GIPC1: variants seen among roughly 807,000 people sequenced by gnomAD.
GIPC1 encodes GIPC PDZ domain containing family member 1.
In GIPC1, 15 loss-of-function variants were observed where a neutral mutation model predicts 28.5. That is an observed-to-expected ratio of 0.53 (90% CI 0.35 to 0.81). GIPC1 has a LOEUF of 0.81. GIPC1 is among the 30% of genes least tolerant of loss of function. The pLI is 0.01. For missense variants in GIPC1, 439 were observed against 481.9 expected (o/e 0.91, Z 0.83); for synonymous variants, 224 against 206.1 (o/e 1.09, Z -0.74).
chr19:14,480,811 C>T (rs1468043295), intron 4 of GIPC1, 33 bp from the exon 5 acceptor site: 2 of 1,470,322 alleles, frequency 1.4e-6, no homozygotes, highest in East Asian at 2.3e-5. Flanking sequence ...AACCTCTTCC[C>T]CCTCCCTCCC....
intron 3 of GIPC1, among the ~76,000 whole-genome samples, chr19:14,488,606 G>A (rs919932860): frequency 6.6e-6 from 1 of 151,894 alleles, no homozygotes; most frequent in African/African-American, 2.4e-5. Context: ...ACAAAAATTA[G>A]CCAGGTATGG....
intron 3 of GIPC1, among the ~76,000 whole-genome samples, chr19:14,486,090 T>C (rs1041624078): frequency 1.3e-5 from 2 of 152,076 alleles, no homozygotes; most frequent in Non-Finnish European, 2.9e-5. Context: ...CTTTCTCTGT[T>C]GCCCAGGCTG....
intron 2 of GIPC1, among the ~76,000 whole-genome samples, chr19:14,492,004 T>C (rs1485711087): frequency 6.6e-6 from 1 of 151,004 alleles, no homozygotes; most frequent in Non-Finnish European, 1.5e-5. Context: ...GGAGGTGGAG[T>C]TTGCAGTGAG....
chr19:14,480,480 G>C lies in GIPC1; in HGVS notation c.480C>G (p.Ile160Met). The stretch of plus-strand genomic sequence containing the variant: ...TGTGGTCGATCACGCTGCCCTCCTT[G>C]ATGCGCTGCGGGGGCGGGGAGTCAT... Reference protein sequence around the residue: ...NGAGYAFIKRIKEGSVIDHIH... With the variant: ...NGAGYAFIKRMKEGSVIDHIH... The change falls in exon 6 of 9, where the codon ATC (isoleucine) becomes ATG (methionine). Residue 160 changes from isoleucine to methionine, a missense_variant. Coordinates refer to ENST00000393033, the MANE Select transcript of GIPC1 (RefSeq NM_005716.4). 6.2e-7 allele frequency: 1 copy of C among 1,610,986 alleles called. No individual in the cohort carries two copies. The highest frequency in any genetic ancestry group is 1.3e-5 in the African/African-American group (1 of 75,016).
chr19:14,479,514 G>A lies in GIPC1; in HGVS notation c.666C>T (p.Ser222=), dbSNP rs1476669541. The change falls in exon 7 of 9, where the codon AGC becomes AGT. Residue 222 remains serine, a synonymous_variant. Coordinates refer to ENST00000393033, the MANE Select transcript of GIPC1 (RefSeq NM_005716.4). ...TEPRKAFDMI[S]QRSAGGRPGS... is the part of the protein sequence containing the mutation. ...CAGGGCGGCCACCCGCTGAACGCTG[G>A]CTGATCATGTCTGTGGGAGGCAGGA... is the stretch of plus-strand genomic sequence containing the variant. The A allele has an allele frequency of 3.5e-6, 5 of 1,441,086 alleles. No individual in the cohort carries two copies. The highest frequency in any genetic ancestry group is 3.4e-5 in the Admixed American group (1 of 29,588). The allele number at this position is 1,441,086 out of a possible 1,614,324, so 89.3% of individuals were successfully genotyped here.
At chr19:14,495,330 G>A (rs1343091334) in intron 1 of GIPC1, among the ~76,000 whole-genome samples, 3 of 151,040 alleles carry the variant, frequency 2.0e-5, no homozygotes, top group Admixed American at 6.6e-5. Context: ...GGGTGGGAGG[G>A]GTAGGGGGCC....
chr19:14,496,111 T>G lies in GIPC1; in HGVS notation c.-249A>C, dbSNP rs972549146. 4 of 208,232 alleles carry G rather than the reference T, an allele frequency of 1.9e-5. No homozygotes were observed. Among genetic ancestry groups the G allele is most frequent in the African/African-American group, 1.0e-4 (4 of 39,052 alleles). 12.9% of individuals were successfully genotyped at this position (208,232 alleles called of 1,614,324 possible). A position where few individuals can be genotyped will look rare whatever the true frequency, so the allele number is the denominator to read the frequency against. ...TCCCCGTGCGCACCCGGCTCGGCCCTCCGCAAACTCCAGACCGGGCCTCTC... is the reference window on the plus strand; with the variant it reads ...TCCCCGTGCGCACCCGGCTCGGCCCGCCGCAAACTCCAGACCGGGCCTCTC... On this transcript the variant is annotated 5_prime_UTR_variant, in exon 1 of 9. Coordinates refer to ENST00000393033, the MANE Select transcript of GIPC1 (RefSeq NM_005716.4).
In GIPC1 at chr19:14,478,875, G is replaced by A; in HGVS notation, c.769-110C>T. The stretch of plus-strand genomic sequence containing the variant: ...ACATATATTCGTATTTAGACCTCAG[G>A]ACAACCCTGAGAAGGTGGTATCGGT... On this transcript the variant is annotated intron_variant, in intron 7 of 8. Transcript: ENST00000393033. The surrounding 1 kb of genome is among the most constrained non-coding windows in gnomAD (Gnocchi z 5.2). 1.2e-6 allele frequency: 1 copy of A among 843,282 alleles called. No individual in the cohort carries two copies. Among genetic ancestry groups the A allele is most frequent in the Non-Finnish European group, 2.0e-6 (1 of 494,038 alleles). The allele number at this position is 843,282 out of a possible 1,614,324, so 52.2% of individuals were successfully genotyped here.
At chr19:14,482,591 G>A in intron 4 of GIPC1, 98 bp downstream of exon 4, 1 of 1,218,398 alleles carries the variant, frequency 8.2e-7, no homozygotes, top group Non-Finnish European at 1.2e-6. Flanking sequence ...CTCAGCATCT[G>A]CAGCTTCAGC....
At position 14,478,539 on chromosome 19, in the gene GIPC1, G is replaced by T. The variant is rs1302995716; in HGVS notation, c.879C>A (p.Asp293Glu). 6.2e-7 allele frequency: 1 copy of T among 1,614,102 alleles called. No homozygotes were observed. The highest frequency in any genetic ancestry group is 8.5e-7 in the Non-Finnish European group (1 of 1,180,012). The change falls in exon 9 of 9, where the codon GAC (aspartate) becomes GAA (glutamate). Residue 293 changes from aspartate to glutamate, a missense_variant. Asp to Glu is a conservative substitution (Grantham distance 45, BLOSUM62 2). Coordinates refer to ENST00000393033, the MANE Select transcript of GIPC1 (RefSeq NM_005716.4). The surrounding 1 kb of genome is among the most constrained non-coding windows in gnomAD (Gnocchi z 5.2). ...LAATMVELGK[D>E]KRNPDELAEA... The stretch of plus-strand genomic sequence containing the variant: ...CGGCCAGCTCATCCGGGTTCCTTTT[G>T]TCCTTTCCCAGCTCCACCATGGTGG...
chr19:14,482,577 C>G, intron 4 of GIPC1, 112 bp downstream of exon 4: 5 of 1,091,960 alleles, frequency 4.6e-6, no homozygotes, highest in Non-Finnish European at 6.8e-6. Flanking sequence ...GAGTGGGGCC[C>G]AGGCTCAGCA....
intron 3 of GIPC1, among the ~76,000 whole-genome samples, chr19:14,483,836 T>A (rs1372822472): frequency 1.3e-5 from 2 of 151,646 alleles, no homozygotes; most frequent in Admixed American, 1.3e-4. Flanking sequence ...CTTCCTTGTG[T>A]GTTTCATTTG....
At chr19:14,486,593 A>T (rs1480791555) in intron 3 of GIPC1, among the ~76,000 whole-genome samples, 1 of 152,042 alleles carries the variant, frequency 6.6e-6, no homozygotes, top group East Asian at 1.9e-4. Flanking sequence ...GCTGAGCCGC[A>T]ATGGAAGTGT....
rs868742026 is a variant in GIPC1 at position 14,480,778 on chromosome 19, C to A, written c.289G>T (p.Val97Leu). 8 of 1,606,690 alleles carry A rather than the reference C, an allele frequency of 5.0e-6. No homozygotes were observed. The highest frequency in any genetic ancestry group is 6.8e-6 in the Non-Finnish European group (8 of 1,174,186). The part of the protein sequence containing the change: ...AEAFRLPTAE[V>L]MFCTLNTHKV... ...TGGGTGTTCAGGGTGCAGAACATCA[C>A]CTGCAGGGGTGGGAGACGCTGAAAC... Residue 97 changes from valine to leucine, a missense_variant and splice_region_variant, in exon 5 of 9, where the codon GTG becomes TTG. Transcript: ENST00000393033.
At chr19:14,494,121 A>T (rs1316911012) in intron 1 of GIPC1, among the ~76,000 whole-genome samples, 3 of 151,846 alleles carry the variant, frequency 2.0e-5, no homozygotes, top group African/African-American at 7.3e-5. Context: ...CACCACACCC[A>T]GCTAATTTTC....
chr19:14,495,660 C>T (rs1015788680), intron 1 of GIPC1, among the ~76,000 whole-genome samples: 4 of 152,138 alleles, frequency 2.6e-5, no homozygotes, highest in African/African-American at 9.7e-5. Flanking sequence ...CTGCGTCCCC[C>T]CCAAGGCCCT....
intron 1 of GIPC1, among the ~76,000 whole-genome samples, chr19:14,495,204 G>A (rs1386722935): frequency 6.6e-6 from 1 of 152,154 alleles, no homozygotes. Context: ...GACCCAGGTA[G>A]TTAGACCTGC....
chr19:14,480,847 G>A lies in GIPC1; in HGVS notation c.289-69C>T, dbSNP rs143582336. 1,414 of 1,134,630 alleles carry A rather than the reference G, an allele frequency of 1.2e-3. 22 individuals are homozygous for A. In the East Asian group the frequency reaches 0.024, roughly 19 times the overall value. 70.3% of individuals were successfully genotyped at this position (1,134,630 alleles called of 1,614,324 possible). ...CCTTTTCTAATCACCACTGGAGGGC[G>A]AAGGGAGAGAGCTGGGAGAGGACTA... is the stretch of plus-strand genomic sequence containing the variant. On this transcript the variant is annotated intron_variant, in intron 4 of 8. Transcript: ENST00000393033.
chr19:14,478,626 G>A lies in GIPC1; in HGVS notation c.850+58C>T. On this transcript the variant is annotated intron_variant, in intron 8 of 8. Transcript: ENST00000393033. This position sits in a 1 kb window ranked among gnomAD's most constrained non-coding sequence, Gnocchi z 5.2. Reference sequence around the variant, plus strand: ...TGACACCAGGGACCAAGGGGCTCAGGGTGGATTCGGCCCCCAGCAGACCTA... The same window carrying A: ...TGACACCAGGGACCAAGGGGCTCAGAGTGGATTCGGCCCCCAGCAGACCTA... The A allele has an allele frequency of 1.9e-6, 3 of 1,611,514 alleles. No homozygotes were observed. The highest frequency in any genetic ancestry group is 1.7e-5 in the Admixed American group (1 of 59,984).
Sources: allele counts gnomAD v4.1 joint callset (sites outside exome capture counted in the v4.1 genomes callset), GRCh38; gene constraint gnomAD v4.1.1; non-coding constraint Gnocchi (gnomAD v3.1); transcripts MANE v1.5; gene names NCBI Gene and HGNC (gene_info 2026-07-23, HGNC 2026-07-21).